NSMCE2: variants seen among roughly 807,000 people sequenced by gnomAD.
The protein encoded by NSMCE2 is E3 SUMO-protein ligase NSE2.
NSMCE2 carries 24 observed loss-of-function variants against 23.8 expected under a neutral mutation model. That is an observed-to-expected ratio of 1.01 (90% CI 0.73 to 1.42). The LOEUF (loss-of-function observed/expected upper bound fraction) is 1.42, where lower values mean the gene tolerates loss of function less well. Ranked by LOEUF, NSMCE2 falls within the 40% of genes most tolerant of loss-of-function variation. The pLI is 0.00. For missense variants in NSMCE2, 284 were observed against 296.5 expected, an observed-to-expected ratio of 0.96 and a Z score of 0.31; for synonymous variants, 92 against 94.1, an observed-to-expected ratio of 0.98 and a Z score of 0.13.
At chr8:125,292,779 C>G (rs1441030525) in intron 5 of NSMCE2, among the ~76,000 whole-genome samples, 1 of 152,130 alleles carries the variant, frequency 6.6e-6, no homozygotes, top group African/African-American at 2.4e-5. Context: ...CAAATCGATT[C>G]TGAAAAGTAG....
chr8:125,303,614 T>TA (rs1360570688), intron 5 of NSMCE2, among the ~76,000 whole-genome samples: 1 of 152,176 alleles, frequency 6.6e-6, no homozygotes, highest in Admixed American at 6.5e-5. Flanking sequence ...AATTTATAAG[T>TA]ACTTACAGTG....
At chr8:125,248,685 A>T (rs904267751) in intron 5 of NSMCE2, among the ~76,000 whole-genome samples, 1 of 152,136 alleles carries the variant, frequency 6.6e-6, no homozygotes, top group South Asian at 2.1e-4. Context: ...TCCTTGATAC[A>T]TTAAGTTTTT....
chr8:125,358,925 T>C (rs1813403907), intron 7 of NSMCE2, among the ~76,000 whole-genome samples: 1 of 152,176 alleles, frequency 6.6e-6, no homozygotes, highest in Non-Finnish European at 1.5e-5. Flanking sequence ...AATGTAGACA[T>C]TCTTAGTACA....
intron 5 of NSMCE2, among the ~76,000 whole-genome samples, chr8:125,304,754 G>A (rs570092458): frequency 6.6e-6 from 1 of 152,036 alleles, no homozygotes; most frequent in East Asian, 1.9e-4. Flanking sequence ...CTGCTTGGGA[G>A]ACTGAGGCAT....
chr8:125,281,094 T>G (rs1249425996), intron 5 of NSMCE2, among the ~76,000 whole-genome samples: 1 of 152,176 alleles, frequency 6.6e-6, no homozygotes, highest in Non-Finnish European at 1.5e-5. Flanking sequence ...ATAAGCCGAT[T>G]AAGATAGCTT....
intron 5 of NSMCE2, among the ~76,000 whole-genome samples, chr8:125,215,983 T>G (rs1406987792): frequency 6.6e-6 from 1 of 152,138 alleles, no homozygotes; most frequent in Non-Finnish European, 1.5e-5. Context: ...GCCTAGGAGG[T>G]CTTGGCTGCA....
intron 5 of NSMCE2, among the ~76,000 whole-genome samples, chr8:125,206,754 G>T (rs2130874568): frequency 6.6e-6 from 1 of 152,208 alleles, no homozygotes; most frequent in South Asian, 2.1e-4. Context: ...GCTGGATTTT[G>T]GTATAAATCT....
intron 5 of NSMCE2, among the ~76,000 whole-genome samples, chr8:125,340,649 TA>T (rs1456234404): frequency 1.3e-5 from 2 of 152,246 alleles, no homozygotes; most frequent in Non-Finnish European, 2.9e-5. Flanking sequence ...GACAGAATGA[TA>T]AAATTAGATA....
chr8:125,237,238 A>G (rs1825593655), intron 5 of NSMCE2, among the ~76,000 whole-genome samples: 1 of 152,198 alleles, frequency 6.6e-6, no homozygotes, highest in South Asian at 2.1e-4. Flanking sequence ...TAAGGTCAAG[A>G]GAGGCAACAT....
chr8:125,175,450 A>G (rs1822439251), intron 4 of NSMCE2, among the ~76,000 whole-genome samples: 2 of 152,364 alleles, frequency 1.3e-5, no homozygotes, highest in South Asian at 4.1e-4. Flanking sequence ...ACTGCTTATC[A>G]CTAGTATGTG....
chr8:125,217,334 A>C (rs866867061), intron 5 of NSMCE2, among the ~76,000 whole-genome samples: 1 of 151,302 alleles, frequency 6.6e-6, no homozygotes, highest in African/African-American at 2.4e-5. Flanking sequence ...TTTTTAAAAA[A>C]TTTTATTTAT....
intron 5 of NSMCE2, among the ~76,000 whole-genome samples, chr8:125,239,137 A>C (rs1300593653): frequency 1.3e-5 from 2 of 152,192 alleles, no homozygotes; most frequent in African/African-American, 4.8e-5. Context: ...TCATGGACTG[A>C]GCCACTCTGG....
At chr8:125,272,292 G>A (rs1460174650) in intron 5 of NSMCE2, among the ~76,000 whole-genome samples, 2 of 151,906 alleles carry the variant, frequency 1.3e-5, no homozygotes, top group African/African-American at 4.8e-5. Context: ...GGGATTACAG[G>A]CTTGAGCCAC....
At chr8:125,240,543 T>C (rs949488818) in intron 5 of NSMCE2, among the ~76,000 whole-genome samples, 8 of 151,992 alleles carry the variant, frequency 5.3e-5, no homozygotes, top group African/African-American at 1.9e-4. Context: ...AGAGGTAACT[T>C]TTCTCCTTCT....
chr8:125,283,310 A>T (rs1180978170), intron 5 of NSMCE2, among the ~76,000 whole-genome samples: 1 of 152,114 alleles, frequency 6.6e-6, no homozygotes, highest in Non-Finnish European at 1.5e-5. Context: ...GCACTTTGGG[A>T]GGCTTAAGTG....
At chr8:125,309,863 G>C (rs770561240) in intron 5 of NSMCE2, among the ~76,000 whole-genome samples, 12 of 152,232 alleles carry the variant, frequency 7.9e-5, no homozygotes, top group Admixed American at 5.2e-4. Flanking sequence ...CACTGAGCTA[G>C]AGCATGATCT....
In NSMCE2 at chr8:125,225,383, C is replaced by T. The variant is rs1268863379; in HGVS notation, c.418+43127C>T. 2.0e-5 allele frequency among the ~76,000 whole-genome samples: 3 copies of T among 152,326 alleles called. No homozygotes were observed. In the East Asian group the frequency reaches 5.8e-4, roughly 29 times the overall value. ...TCGACTCCATTCACCTCAAACCCAA[C>T]AGTTCTTTTTTGTAGTCAACACTGC... On this transcript the variant is annotated intron_variant, in intron 5 of 7. Coordinates refer to ENST00000287437, the MANE Select transcript of NSMCE2 (RefSeq NM_173685.4).
intron 4 of NSMCE2, among the ~76,000 whole-genome samples, chr8:125,168,510 T>G (rs1243972615): frequency 6.6e-6 from 1 of 152,256 alleles, no homozygotes; most frequent in Non-Finnish European, 1.5e-5. Flanking sequence ...CTGGGAAATC[T>G]ATGATGAAGG....
intron 3 of NSMCE2, among the ~76,000 whole-genome samples, chr8:125,140,800 A>G (rs758857609): frequency 1.7e-4 from 26 of 152,224 alleles, no homozygotes; most frequent in Non-Finnish European, 3.2e-4. Context: ...AGACTTGAGC[A>G]CAGCCAAAGA....
Sources: allele counts gnomAD v4.1 joint callset (sites outside exome capture counted in the v4.1 genomes callset), GRCh38; gene constraint gnomAD v4.1.1; transcripts MANE v1.5; gene names NCBI Gene and HGNC (gene_info 2026-07-23, HGNC 2026-07-21).